Variants in SGCG observed in about 807,000 individuals in gnomAD.
SGCG encodes gamma-sarcoglycan.
In SGCG, 26 loss-of-function variants were observed where a neutral mutation model predicts 29.3. The ratio of observed to expected loss-of-function variants is 0.89; its 90% CI spans 0.65 to 1.23. SGCG has a LOEUF of 1.23. Ranked by LOEUF, SGCG falls within the 50% of genes most tolerant of loss-of-function variation. The pLI is 0.00. For missense variants in SGCG, 353 were observed against 356.0 expected, an observed-to-expected ratio of 0.99 and a Z score of 0.07; for synonymous variants, 145 against 129.7, an observed-to-expected ratio of 1.12 and a Z score of -0.80.
intron 6 of SGCG, among the ~76,000 whole-genome samples, chr13:23,315,968 C>A (rs12871404): frequency 0.063 from 9,524 of 152,296 alleles, 433 homozygotes; most frequent in Non-Finnish European, 0.096. Flanking sequence ...ACTACTCAGT[C>A]TCTTTCCCCA....
chr13:23,247,016 C>T (rs977473781), intron 3 of SGCG: 1 of 155,062 alleles, frequency 6.4e-6, no homozygotes, highest in African/African-American at 2.4e-5. Context: ...TTGTAGAAAC[C>T]AATGCTCCCT....
chr13:23,297,244 T>TTTTTA (rs1881941771), intron 6 of SGCG, among the ~76,000 whole-genome samples: 2 of 151,870 alleles, frequency 1.3e-5, no homozygotes, highest in African/African-American at 4.8e-5. Flanking sequence ...TTTTTTTTTT[T>TTTTTA]GAGATGGAAT....
intron 2 of SGCG, among the ~76,000 whole-genome samples, chr13:23,222,332 G>A (rs1043260150): frequency 6.6e-6 from 1 of 152,124 alleles, no homozygotes; most frequent in African/African-American, 2.4e-5. Flanking sequence ...AGAAATGTTT[G>A]CCTTCTTCAC....
intron 4 of SGCG, among the ~76,000 whole-genome samples, chr13:23,277,957 C>G (rs575206979): frequency 6.6e-6 from 1 of 152,116 alleles, no homozygotes; most frequent in Admixed American, 6.5e-5. Flanking sequence ...CTCGGCCTCC[C>G]AAAGTGCTGG....
chr13:23,171,070 A>G, the SGCG span, among the ~76,000 whole-genome samples: 1 of 152,234 alleles, frequency 6.6e-6, no homozygotes, highest in South Asian at 2.1e-4. Context: ...AAGATACACC[A>G]TTAAGTCAAA....
chr13:23,310,146 A>G (rs1445349104), intron 6 of SGCG, among the ~76,000 whole-genome samples: 6 of 130,244 alleles, frequency 4.6e-5, no homozygotes, highest in African/African-American at 8.9e-5. Flanking sequence ...GAGTGCAGTG[A>G]CACGATCTCG....
intron 2 of SGCG, among the ~76,000 whole-genome samples, chr13:23,218,502 CTA>C (rs1491236653): frequency 6.6e-6 from 1 of 151,948 alleles, no homozygotes; most frequent in Admixed American, 6.6e-5. Flanking sequence ...AACTGTAACA[CTA>C]AAATTATTTA....
At chr13:23,281,155 C>T (rs1015904104) in intron 5 of SGCG, among the ~76,000 whole-genome samples, 7 of 151,644 alleles carry the variant, frequency 4.6e-5, no homozygotes, top group Admixed American at 2.6e-4. Flanking sequence ...GACAACATGG[C>T]GAAACCCCAT....
rs754112406 is a variant in SGCG at position 23,324,496 on chromosome 13, C to T, written c.831C>T (p.Ala277=). The part of the protein sequence containing the change: ...CPDGKLYLSV[A]GVSTTCQEHN... ...ATGGGAAGCTGTACCTGTCTGTGGC[C>T]GGTGTGAGCACCACGTGCCAGGAGC... is the stretch of plus-strand genomic sequence containing the variant. Residue 277 remains alanine, a synonymous_variant, in exon 8 of 8, where the codon GCC becomes GCT. Transcript: ENST00000218867. 1.1e-5 allele frequency: 17 copies of T among 1,613,180 alleles called. No individual in the cohort carries two copies. Among genetic ancestry groups the T allele is most frequent in the South Asian group, 5.5e-5 (5 of 91,044 alleles).
At chr13:23,227,559 C>T (rs748811033) in intron 2 of SGCG, among the ~76,000 whole-genome samples, 2 of 152,128 alleles carry the variant, frequency 1.3e-5, no homozygotes, top group Non-Finnish European at 2.9e-5. Flanking sequence ...ATGGACAAAC[C>T]GTTTGGCACA....
At chr13:23,267,083 C>T (rs1348789581) in intron 4 of SGCG, among the ~76,000 whole-genome samples, 1 of 152,216 alleles carries the variant, frequency 6.6e-6, no homozygotes, top group Admixed American at 6.5e-5. Flanking sequence ...GCTCTGGTTA[C>T]TGTTGTTCAC....
At chr13:23,314,408 A>ATAT (rs1593108241) in intron 6 of SGCG, among the ~76,000 whole-genome samples, 1 of 133,966 alleles carries the variant, frequency 7.5e-6, no homozygotes, top group African/African-American at 2.8e-5. Flanking sequence ...ATATATATAT[A>ATAT]ATCTTATTCT....
At chr13:23,321,417 G>A (rs1217235920) in intron 7 of SGCG, among the ~76,000 whole-genome samples, 1 of 152,190 alleles carries the variant, frequency 6.6e-6, no homozygotes, top group Non-Finnish European at 1.5e-5. Context: ...ATAAGGCTCA[G>A]TGAGAGATTA....
the SGCG span, among the ~76,000 whole-genome samples, chr13:23,166,743 G>A: frequency 2.2e-4 from 34 of 152,080 alleles, no homozygotes; most frequent in Non-Finnish European, 4.7e-4. Flanking sequence ...GTGTTAGCTC[G>A]TGTGTCATCA....
intron 1 of SGCG, among the ~76,000 whole-genome samples, chr13:23,195,146 A>G (rs1409471742): frequency 1.3e-5 from 2 of 152,234 alleles, no homozygotes; most frequent in Admixed American, 1.3e-4. Flanking sequence ...GTATCCATAA[A>G]TGCTGGTCTT....
At chr13:23,275,722 A>G (rs1270295678) in intron 4 of SGCG, among the ~76,000 whole-genome samples, 1 of 152,260 alleles carries the variant, frequency 6.6e-6, no homozygotes, top group Non-Finnish European at 1.5e-5. Context: ...CTTATGAAGT[A>G]GAACTGTATA....
intron 3 of SGCG, among the ~76,000 whole-genome samples, chr13:23,248,608 G>A (rs1296561370): frequency 2.0e-5 from 3 of 151,804 alleles, no homozygotes; most frequent in African/African-American, 4.8e-5. Flanking sequence ...GCAGGAGAAT[G>A]GCGGGAACCC....
rs1048140226 is a variant in SGCG, at chr13:23,211,257, C to A, written c.195+7368C>A. Among the ~76,000 whole-genome samples, 8 of 152,134 alleles carry A rather than the reference C, an allele frequency of 5.3e-5. No individual in the cohort carries two copies. In the East Asian group the frequency reaches 5.8e-4, roughly 11 times the overall value. On this transcript the variant is annotated intron_variant, in intron 2 of 7. Coordinates refer to ENST00000218867, the MANE Select transcript of SGCG (RefSeq NM_000231.3). ...ACCAGAAATCCGTGGGTAAGTAGAT[C>A]CCTGGGGAAGGAGGAGAGGAGCCAG...
At chr13:23,237,439 G>C (rs1879353570) in intron 3 of SGCG, among the ~76,000 whole-genome samples, 1 of 152,188 alleles carries the variant, frequency 6.6e-6, no homozygotes. Context: ...GGGACCAAAA[G>C]GGCACCTCAC....
Sources: gnomAD v4.1 joint callset for allele counts (sites outside exome capture counted in the v4.1 genomes callset) on GRCh38, gnomAD v4.1.1 for gene constraint, MANE v1.5 for transcripts, NCBI Gene and HGNC (gene_info 2026-07-23, HGNC 2026-07-21) for gene names.